KCNIP4: variants seen among roughly 807,000 people sequenced by gnomAD.
KCNIP4 encodes the protein Kv channel-interacting protein 4.
A neutral mutation model predicts 34.0 loss-of-function variants in KCNIP4; 12 were observed. That is an observed-to-expected ratio of 0.35 (90% CI 0.23 to 0.57). The LOEUF (loss-of-function observed/expected upper bound fraction) is 0.57, where lower values mean the gene tolerates loss of function less well. Ranked by LOEUF, KCNIP4 falls within the 20% of genes least tolerant of loss-of-function variation. KCNIP4 has a pLI of 0.83. For synonymous variants in KCNIP4, 124 were observed against 102.2 expected (o/e 1.21, Z -1.29); for missense variants, 238 against 311.7 (o/e 0.76, Z 1.78).
At chr4:21,713,889 A>T (rs1713940356) in intron 1 of KCNIP4, among the ~76,000 whole-genome samples, 1 of 152,182 alleles carries the variant, frequency 6.6e-6, no homozygotes, top group South Asian at 2.1e-4. Flanking sequence ...GTACAAACCC[A>T]TGATTAGACT....
intron 1 of KCNIP4, among the ~76,000 whole-genome samples, chr4:21,343,379 A>T (rs1716952687): frequency 6.6e-6 from 1 of 152,124 alleles, no homozygotes; most frequent in Non-Finnish European, 1.5e-5. Context: ...GAGATGCCAG[A>T]GGAAATTCGG....
chr4:20,974,524 C>A (rs773679209), intron 1 of KCNIP4, among the ~76,000 whole-genome samples: 37 of 152,076 alleles, frequency 2.4e-4, no homozygotes, highest in Non-Finnish European at 5.1e-4. Context: ...ATCAGGTGTT[C>A]TTGGAAATGC....
chr4:21,857,358 C>T (rs1164042633), intron 1 of KCNIP4, among the ~76,000 whole-genome samples: 1 of 151,998 alleles, frequency 6.6e-6, no homozygotes. Flanking sequence ...GCTATGCATG[C>T]CAGGGTCTCC....
chr4:20,924,978 C>T (rs1022853166), intron 1 of KCNIP4, among the ~76,000 whole-genome samples: 3 of 152,024 alleles, frequency 2.0e-5, no homozygotes, highest in African/African-American at 7.2e-5. Flanking sequence ...CCTACTCTGC[C>T]TTAAAATATG....
chr4:21,297,232 T>C (rs1409396070), intron 1 of KCNIP4, among the ~76,000 whole-genome samples: 1 of 152,022 alleles, frequency 6.6e-6, no homozygotes, highest in Non-Finnish European at 1.5e-5. Context: ...TTATAGGACC[T>C]TGGCCTTCCA....
chr4:20,887,403 T>TAATAAATAAATA (rs140559983), intron 1 of KCNIP4, among the ~76,000 whole-genome samples: 5 of 150,196 alleles, frequency 3.3e-5, no homozygotes, highest in African/African-American at 1.2e-4. Context: ...ACTTAAAGTA[T>TAATAAATAAATA]AATAAATAAA....
intron 1 of KCNIP4, among the ~76,000 whole-genome samples, chr4:21,903,823 C>T (rs1727842017): frequency 6.6e-6 from 1 of 152,098 alleles, no homozygotes; most frequent in Non-Finnish European, 1.5e-5. Context: ...CTAATGTGTA[C>T]ACCCCAATAG....
intron 1 of KCNIP4, among the ~76,000 whole-genome samples, chr4:21,876,236 T>C (rs1726100813): frequency 6.6e-6 from 1 of 152,190 alleles, no homozygotes; most frequent in Admixed American, 6.5e-5. Flanking sequence ...TAACTATATC[T>C]GTAACAACTG....
intron 1 of KCNIP4, among the ~76,000 whole-genome samples, chr4:21,604,019 C>A (rs1294043706): frequency 6.6e-6 from 1 of 151,888 alleles, no homozygotes; most frequent in Non-Finnish European, 1.5e-5. Context: ...AATGGGAAAT[C>A]TAAGATTTTT....
chr4:20,856,632 C>A (rs1229588725), intron 2 of KCNIP4, among the ~76,000 whole-genome samples: 2 of 152,158 alleles, frequency 1.3e-5, no homozygotes, highest in Non-Finnish European at 2.9e-5. Flanking sequence ...AAAGGATATT[C>A]CTGCTCAACT....
intron 1 of KCNIP4, among the ~76,000 whole-genome samples, chr4:21,153,813 G>T (rs1752945270): frequency 6.6e-6 from 1 of 151,914 alleles, no homozygotes; most frequent in Non-Finnish European, 1.5e-5. Flanking sequence ...ACTACAAAAA[G>T]CCAAAGGTAC....
chr4:21,049,412 T>C (rs965402760), intron 1 of KCNIP4, among the ~76,000 whole-genome samples: 13 of 152,188 alleles, frequency 8.5e-5, no homozygotes, highest in Non-Finnish European at 1.8e-4. Flanking sequence ...CAGCAATAGA[T>C]AATTGGACTA....
rs750570516 is a variant in KCNIP4, at chr4:20,850,654, A to T, written c.177T>A (p.Asp59Glu). Residue 59 changes from aspartate (D) to glutamate (E), a missense_variant, in exon 3 of 9, where the codon GAT becomes GAA. By Grantham distance (45) the Asp-to-Glu change is conservative. Transcript: ENST00000382152. ...GCCTGACGGTGGCCATCTCCAGTTC[A>T]TCTTCCACGCTGTCTGTGGAGGAAA... ...SSPAIQNSVEDELEMATVRHR... is the reference protein window; with the variant it reads ...SSPAIQNSVEEELEMATVRHR... 3.7e-6 allele frequency: 6 copies of T among 1,612,178 alleles called. No homozygotes were observed. In the South Asian group the frequency reaches 6.6e-5, roughly 18 times the overall value.
intron 1 of KCNIP4, among the ~76,000 whole-genome samples, chr4:21,428,816 AAT>A (rs1726155402): frequency 1.3e-5 from 2 of 152,158 alleles, no homozygotes; most frequent in African/African-American, 4.8e-5. Context: ...GTTTTTATGA[AAT>A]AGACTTTATT....
chr4:21,193,571 A>ATTTTTTTTTTTTTTTTTTT (rs71655619), intron 1 of KCNIP4, among the ~76,000 whole-genome samples: 1 of 119,238 alleles, frequency 8.4e-6, no homozygotes. Context: ...GCAATTTTAA[A>ATTTTTTTTTTTTTTTTTTT]TTTTTTTTTT....
rs574448680 is a variant in KCNIP4, at chr4:21,108,648, C to T, written c.62-225939G>A. The stretch of plus-strand genomic sequence containing the variant: ...TTGTTCCATTGCTGGTGAGGAACTG[C>T]GTTCCTTTGGAGGAGGAGAGGCACT... On this transcript the variant is annotated intron_variant, in intron 1 of 8. Transcript: ENST00000382152. Among the ~76,000 whole-genome samples the T allele has an allele frequency of 8.6e-4, 130 of 151,896 alleles. 4 individuals are homozygous for T. In the South Asian group the frequency reaches 0.025, roughly 29 times the overall value.
intron 1 of KCNIP4, among the ~76,000 whole-genome samples, chr4:21,909,355 C>T (rs1014555960): frequency 6.6e-6 from 1 of 152,066 alleles, no homozygotes; most frequent in African/African-American, 2.4e-5. Flanking sequence ...CTGGAATTTT[C>T]TTCTCCCACA....
At chr4:20,818,520 T>G (rs999668301) in intron 3 of KCNIP4, among the ~76,000 whole-genome samples, 1 of 152,166 alleles carries the variant, frequency 6.6e-6, no homozygotes, top group Non-Finnish European at 1.5e-5. Context: ...CTTGGGGGAC[T>G]TTTTGGAAGC....
chr4:20,963,388 C>G (rs1370368669), intron 1 of KCNIP4, among the ~76,000 whole-genome samples: 1 of 151,812 alleles, frequency 6.6e-6, no homozygotes, highest in African/African-American at 2.4e-5. Context: ...CACACTATTA[C>G]AAATGATCAT....
Sources: gnomAD v4.1 joint callset for allele counts (sites outside exome capture counted in the v4.1 genomes callset) on GRCh38, gnomAD v4.1.1 for gene constraint, MANE v1.5 for transcripts, NCBI Gene and HGNC (gene_info 2026-07-23, HGNC 2026-07-21) for gene names.